Variants in ZMYM6 observed in about 807,000 individuals in gnomAD.
ZMYM6 encodes the protein zinc finger MYM-type protein 6.
ZMYM6 carries 90 observed loss-of-function variants against 134.0 expected under a neutral mutation model. The ratio of observed to expected loss-of-function variants is 0.67; its 90% CI spans 0.57 to 0.80. ZMYM6 has a LOEUF of 0.80. ZMYM6 is among the 30% of genes least tolerant of loss of function. The pLI, the probability that ZMYM6 is intolerant of heterozygous loss-of-function variation, is 0.00. For synonymous variants in ZMYM6, 481 were observed against 524.1 expected (o/e 0.92, Z 1.12); for missense variants, 1,362 against 1,533.9 (o/e 0.89, Z 1.87).
chr1:35,013,588 T>C, intron 6 of ZMYM6: 3 of 985,424 alleles, frequency 3.0e-6, no homozygotes, highest in Non-Finnish European at 3.6e-6. Flanking sequence ...GTGATGAATG[T>C]CCATATGTCC....
chr1:35,011,270 C>T (rs1035674731), intron 8 of ZMYM6, among the ~76,000 whole-genome samples: 3 of 152,094 alleles, frequency 2.0e-5, no homozygotes, highest in Admixed American at 2.0e-4. Context: ...CAGTATATGC[C>T]TCTAATAAAT....
chr1:35,019,550 A>T lies in ZMYM6; in HGVS notation c.231T>A (p.Ser77Arg). 6.2e-7 allele frequency: 1 copy of T among 1,612,786 alleles called. No individual in the cohort carries two copies. ...CAGCTGGAACTGAAGGAAGCAACAC[A>T]CTTGGGCCAGATGATGCAAAAGAAA... ...FQLSFASSGP[S>R]VLLPSVPAVA... Residue 77 changes from serine to arginine, a missense_variant, in exon 4 of 16, where the codon AGT becomes AGA. Physicochemically the swap from Ser to Arg is moderately radical, Grantham distance 110. Transcript: ENST00000357182.
chr1:35,007,151 GA>G (rs1471230435), intron 11 of ZMYM6, 53 bp from the exon 12 acceptor site: 39 of 1,519,442 alleles, frequency 2.6e-5, no homozygotes, highest in Non-Finnish European at 3.2e-5. Context: ...ATAATGAAAA[GA>G]TAACATTAAT....
At position 35,003,979 on chromosome 1, in the gene ZMYM6, T is replaced by C; in HGVS notation, c.1981A>G (p.Ile661Val). ...ACAATTAAACTCACATCTTGAATGA[T>C]CTTTGCTGCCTCTTTAGTAACTGCA... ...KGAVTKEAAK[I>V]IQDESTQEDA... The change falls in exon 14 of 16, where the codon ATC becomes GTC. Residue 661 changes from isoleucine (I) to valine (V), a missense_variant. By Grantham distance (29) the Ile-to-Val change is conservative. This residue lies in a region of ZMYM6 where 824 missense variants were observed against 940.9 expected (regional missense o/e 0.88). Coordinates refer to ENST00000357182, the MANE Select transcript of ZMYM6 (RefSeq NM_007167.4). The C allele has an allele frequency of 1.9e-6, 3 of 1,612,548 alleles. No homozygotes were observed. The highest frequency in any genetic ancestry group is 2.5e-6 in the Non-Finnish European group (3 of 1,178,906).
At position 35,010,483 on chromosome 1, in the gene ZMYM6, GCA is replaced by G; in HGVS notation, c.1454_1455del (p.Val485AlafsTer6). The G allele has an allele frequency of 7.4e-6, 12 of 1,613,454 alleles. No homozygotes were observed. Among genetic ancestry groups the G allele is most frequent in the Non-Finnish European group, 9.3e-6 (11 of 1,179,878 alleles). ...CKLQKIIKETVRFSGVDKPFC... is the reference protein window; with the variant it reads ...CKLQKIIKETXRFSGVDKPFC... ...AATGGCTTATCAACCCCTGAGAATC[GCA>G]CAGTCTCCTTTATAATTTTCTGCAG... is the stretch of plus-strand genomic sequence containing the variant. On this transcript the variant is annotated frameshift_variant, in exon 10 of 16. Coordinates refer to ENST00000357182, the MANE Select transcript of ZMYM6 (RefSeq NM_007167.4). LOFTEE classifies it high-confidence loss of function.
chr1:35,025,296 G>A (rs534533489), intron 2 of ZMYM6, among the ~76,000 whole-genome samples: 57 of 151,564 alleles, frequency 3.8e-4, no homozygotes, highest in African/African-American at 7.5e-4. Flanking sequence ...GTGAAACCCC[G>A]TCTCTATTAA....
chr1:34,997,885 CAT>C (rs1234412558), intron 14 of ZMYM6, among the ~76,000 whole-genome samples: 1 of 152,082 alleles, frequency 6.6e-6, no homozygotes, highest in Admixed American at 6.6e-5. Context: ...TATTTTCTTC[CAT>C]ATGTCTACTC....
At position 34,988,620 on chromosome 1, in the gene ZMYM6, C is replaced by A; in HGVS notation, c.2462G>T (p.Cys821Phe). The change falls in exon 16 of 16, where the codon TGT becomes TTT. Residue 821 changes from cysteine (C) to phenylalanine (F), a missense_variant. By Grantham distance (205) the Cys-to-Phe change is radical (BLOSUM62 -2). Around this residue, in one of 3 missense-constraint regions of ZMYM6, gnomAD observed 824 missense variants for 940.9 expected, o/e 0.88. Transcript: ENST00000357182. ...MECQNSSLKK[C>F]LLVEKSLVKA... Reference sequence around the variant, plus strand: ...CACAAGTGACTTTTCAACTAGTAAACACTTTTTTAAAGAACTATTTTGACA... The same window carrying A: ...CACAAGTGACTTTTCAACTAGTAAAAACTTTTTTAAAGAACTATTTTGACA... 1.3e-6 allele frequency: 2 copies of A among 1,549,216 alleles called. No homozygotes were observed. Among genetic ancestry groups the A allele is most frequent in the Non-Finnish European group, 1.7e-6 (2 of 1,146,368 alleles).
intron 14 of ZMYM6, among the ~76,000 whole-genome samples, chr1:34,997,041 A>C (rs1359987528): frequency 1.3e-5 from 2 of 152,192 alleles, no homozygotes; most frequent in African/African-American, 4.8e-5. Flanking sequence ...ATTCCTAAAA[A>C]TGGAGTTCCT....
At chr1:35,015,737 A>AT (rs1641171565) in intron 4 of ZMYM6, among the ~76,000 whole-genome samples, 1 of 126,044 alleles carries the variant, frequency 7.9e-6, no homozygotes, top group African/African-American at 4.7e-5. Context: ...AAAAAAAAAA[A>AT]AAAAAAATAT....
intron 14 of ZMYM6, among the ~76,000 whole-genome samples, chr1:35,000,129 T>A (rs1569754860): frequency 6.6e-6 from 1 of 151,818 alleles, no homozygotes; most frequent in Non-Finnish European, 1.5e-5. Context: ...AGAGATGAGG[T>A]TTCATCATGT....
rs376435980 is a variant in ZMYM6, at chr1:34,992,253, C to T, written c.2127G>A (p.Gln709=). ...ACATACCTGTCTGACATTCTTTGTGCTGTGTATGTGGTTTGCAAGAAGTGG... is the reference window on the plus strand; with the variant it reads ...ACATACCTGTCTGACATTCTTTGTGTTGTGTATGTGGTTTGCAAGAAGTGG... The part of the protein sequence containing the change: ...TKATSCKPHT[Q]HKECQTDLPM... Residue 709 remains glutamine (Q), a synonymous_variant, in exon 15 of 16, where the codon CAG becomes CAA. Transcript: ENST00000357182. 353 of 1,613,810 alleles carry T rather than the reference C, an allele frequency of 2.2e-4. No individual in the cohort carries two copies. Among genetic ancestry groups the T allele is most frequent in the Non-Finnish European group, 2.6e-4 (312 of 1,179,906 alleles).
In ZMYM6 at chr1:35,005,194, A is replaced by T. The variant is rs1202138044; in HGVS notation, c.1892T>A (p.Val631Glu). Residue 631 changes from valine (V) to glutamate (E), a missense_variant, in exon 13 of 16, where the codon GTG becomes GAG. Around this residue, in one of 3 missense-constraint regions of ZMYM6, gnomAD observed 824 missense variants for 940.9 expected, o/e 0.88. Transcript: ENST00000357182. ...AGCAGGTATTTTTGCCAATGACATC[A>T]CACTGGTTATAACTGGTGTTGTATC... ...RTDTTPVITS[V>E]MSLAKIPATL... The T allele has an allele frequency of 6.2e-7, 1 of 1,614,170 alleles. No individual in the cohort carries two copies. The highest frequency in any genetic ancestry group is 8.5e-7 in the Non-Finnish European group (1 of 1,179,994).
chr1:35,010,376 T>C (rs1641063984), intron 10 of ZMYM6, 71 bp downstream of exon 10: 3 of 1,528,686 alleles, frequency 2.0e-6, no homozygotes, highest in Non-Finnish European at 2.6e-6. Context: ...AAACTAATCA[T>C]GGCTTAATTG....
At chr1:35,001,391 T>C (rs968068729) in intron 14 of ZMYM6, among the ~76,000 whole-genome samples, 1 of 151,946 alleles carries the variant, frequency 6.6e-6, no homozygotes, top group Non-Finnish European at 1.5e-5. Flanking sequence ...TGGTGAATTA[T>C]AGAAATACTC....
At chr1:34,996,106 A>G (rs1481510344) in intron 14 of ZMYM6, among the ~76,000 whole-genome samples, 1 of 152,208 alleles carries the variant, frequency 6.6e-6, no homozygotes, top group Non-Finnish European at 1.5e-5. Flanking sequence ...TCTACAGAAT[A>G]AAGTCTTAGA....
chr1:35,012,107 C>A, intron 7 of ZMYM6, 102 bp from the exon 8 acceptor site: 1 of 730,092 alleles, frequency 1.4e-6, no homozygotes, highest in Non-Finnish European at 2.1e-6. Flanking sequence ...CAATAATATA[C>A]CAAAAAAATC....
intron 2 of ZMYM6, among the ~76,000 whole-genome samples, chr1:35,023,210 C>A (rs1292622845): frequency 6.6e-6 from 1 of 151,936 alleles, no homozygotes; most frequent in Non-Finnish European, 1.5e-5. Context: ...AGGGTTCAAT[C>A]GATTCTCCTC....
At chr1:35,020,568 CTTTTTTTTTTT>C (rs942213398) in intron 2 of ZMYM6, 101 bp from the exon 3 acceptor site, 38 of 241,468 alleles carry the variant, frequency 1.6e-4, no homozygotes, top group South Asian at 8.3e-4. Flanking sequence ...TATTCATCTC[CTTTTTTTTTTT>C]TTTTTTTTTT....
Sources: allele counts gnomAD v4.1 joint callset (sites outside exome capture counted in the v4.1 genomes callset), GRCh38; gene constraint gnomAD v4.1.1; regional missense constraint gnomAD v4.1.1; transcripts MANE v1.5; gene names NCBI Gene and HGNC (gene_info 2026-07-23, HGNC 2026-07-21).